Variants in SLIT3 observed in about 807,000 individuals in gnomAD.
The protein encoded by SLIT3 is slit homolog 3 protein.
In SLIT3, 68 loss-of-function variants were observed where a neutral mutation model predicts 184.0. The observed-to-expected ratio is 0.37, with a 90% CI of 0.30 to 0.45. The LOEUF is 0.45. SLIT3 is among the 20% of genes least tolerant of loss of function. The pLI, the probability that SLIT3 is intolerant of heterozygous loss-of-function variation, is 1.00. For missense variants in SLIT3, 1,707 were observed against 2,026.0 expected (o/e 0.84, Z 3.02); for synonymous variants, 831 against 828.6 (o/e 1.00, Z -0.05).
At chr5:168,797,936 G>A (rs1756624545) in intron 9 of SLIT3, among the ~76,000 whole-genome samples, 1 of 152,120 alleles carries the variant, frequency 6.6e-6, no homozygotes, top group Non-Finnish European at 1.5e-5. Context: ...CTTTCTCAAA[G>A]TCACAGAACA....
In SLIT3 at chr5:169,104,729, T is replaced by C. The variant is rs181523267; in HGVS notation, c.413+88750A>G. On this transcript the variant is annotated intron_variant, in intron 4 of 35. Coordinates refer to ENST00000519560, the MANE Select transcript of SLIT3 (RefSeq NM_003062.4). ...CCACTCACCCCCATGTCTGGTCTCC[T>C]GGCAACCAAGGAACCATCTGGGAAC... Among the ~76,000 whole-genome samples, 455 of 152,276 alleles carry C rather than the reference T, an allele frequency of 3.0e-3. 3 individuals carry two copies. Among genetic ancestry groups the C allele is most frequent in the African/African-American group, 0.011 (442 of 41,556 alleles).
intron 4 of SLIT3, among the ~76,000 whole-genome samples, chr5:168,930,862 C>T (rs570547598): frequency 6.6e-6 from 1 of 152,062 alleles, no homozygotes; most frequent in Admixed American, 6.6e-5. Context: ...CTTGGTGCCA[C>T]ATGCCATGAG....
At chr5:169,008,005 C>T (rs2113445935) in intron 4 of SLIT3, among the ~76,000 whole-genome samples, 1 of 152,294 alleles carries the variant, frequency 6.6e-6, no homozygotes, top group African/African-American at 2.4e-5. Context: ...CCCTGGAGAA[C>T]CGGACACTTT....
chr5:168,898,773 CCTT>C (rs1434030074), intron 4 of SLIT3, among the ~76,000 whole-genome samples: 4 of 152,046 alleles, frequency 2.6e-5, no homozygotes, highest in Non-Finnish European at 5.9e-5. Context: ...CAATTCTAAT[CCTT>C]CTTATCAACT....
At chr5:169,151,305 C>A (rs950991316) in intron 4 of SLIT3, among the ~76,000 whole-genome samples, 1 of 152,176 alleles carries the variant, frequency 6.6e-6, no homozygotes, top group African/African-American at 2.4e-5. Flanking sequence ...CCTGAGTGGT[C>A]CTGCTTCCCC....
At position 168,788,038 on chromosome 5, in the gene SLIT3, A is replaced by C. The variant is rs894094968; in HGVS notation, c.1079+1522T>G. 1.1e-4 allele frequency among the ~76,000 whole-genome samples: 16 copies of C among 152,174 alleles called. 1 individual carries two copies. The highest frequency in any genetic ancestry group is 3.6e-4 in the African/African-American group (15 of 41,440). On this transcript the variant is annotated intron_variant, in intron 11 of 35. Coordinates refer to ENST00000519560, the MANE Select transcript of SLIT3 (RefSeq NM_003062.4). ...CACATATATTTCAGAATCGGGCAGC[A>C]GCATGCCAATTTCATGTTTGGCAAC...
chr5:169,126,902 C>T (rs996675917), intron 4 of SLIT3, among the ~76,000 whole-genome samples: 5 of 148,972 alleles, frequency 3.4e-5, no homozygotes, highest in African/African-American at 1.2e-4. Flanking sequence ...ATCCATTAGT[C>T]ACTCTTTACT....
At chr5:169,272,208 T>G (rs1334662078) in intron 1 of SLIT3, among the ~76,000 whole-genome samples, 1 of 152,224 alleles carries the variant, frequency 6.6e-6, no homozygotes, top group African/African-American at 2.4e-5. Flanking sequence ...GAGTCCCTGT[T>G]CCGTTTGCAA....
intron 8 of SLIT3, among the ~76,000 whole-genome samples, chr5:168,809,762 G>T (rs1298508287): frequency 6.6e-6 from 1 of 152,178 alleles, no homozygotes; most frequent in Non-Finnish European, 1.5e-5. Context: ...AGTACATAAG[G>T]ACACTCGCCC....
chr5:168,789,424 C>A, intron 11 of SLIT3, 136 bp downstream of exon 11: 1 of 618,052 alleles, frequency 1.6e-6, no homozygotes, highest in Non-Finnish European at 2.9e-6. Context: ...ATATTTGTTT[C>A]TTTTACCAGG....
chr5:168,931,424 G>T (rs1021977434), intron 4 of SLIT3, among the ~76,000 whole-genome samples: 1 of 152,164 alleles, frequency 6.6e-6, no homozygotes, highest in African/African-American at 2.4e-5. Context: ...GACACTGTGG[G>T]AGTATCTGGG....
intron 4 of SLIT3, among the ~76,000 whole-genome samples, chr5:169,167,858 C>T (rs886352631): frequency 6.6e-6 from 1 of 152,196 alleles, no homozygotes; most frequent in African/African-American, 2.4e-5. Flanking sequence ...GTTGTCCCAG[C>T]AGGGTCTCTG....
chr5:168,866,851 T>G lies in SLIT3; in HGVS notation c.485+16414A>C, dbSNP rs535897447. 1.2e-4 allele frequency among the ~76,000 whole-genome samples: 18 copies of G among 152,336 alleles called. No homozygotes were observed. In the South Asian group the frequency reaches 3.7e-3, roughly 32 times the overall value. On this transcript the variant is annotated intron_variant, in intron 5 of 35. Transcript: ENST00000519560. ...TAACATTTGAAGTGCTTACTGTGTG[T>G]TAGTGCTAACTCTTTTACAAACATT... is the stretch of plus-strand genomic sequence containing the variant.
At chr5:169,239,062 C>T (rs1340797285) in intron 3 of SLIT3, among the ~76,000 whole-genome samples, 1 of 152,128 alleles carries the variant, frequency 6.6e-6, no homozygotes, top group Non-Finnish European at 1.5e-5. Flanking sequence ...CACTGAATTA[C>T]TGCTCCAAAT....
intron 14 of SLIT3, among the ~76,000 whole-genome samples, chr5:168,762,972 G>A (rs183257255): frequency 1.1e-3 from 162 of 152,236 alleles, no homozygotes; most frequent in Middle Eastern, 0.01. Context: ...GGTCACAGAC[G>A]TTTTTGAGAA....
intron 4 of SLIT3, among the ~76,000 whole-genome samples, chr5:169,155,407 G>A (rs1356443933): frequency 6.6e-6 from 1 of 152,152 alleles, no homozygotes; most frequent in Admixed American, 6.5e-5. Flanking sequence ...ATTTGGATCT[G>A]AAATTAATTT....
intron 20 of SLIT3, among the ~76,000 whole-genome samples, chr5:168,744,601 T>A (rs1763745427): frequency 6.6e-6 from 1 of 152,188 alleles, no homozygotes; most frequent in Admixed American, 6.5e-5. Context: ...CCAATACTCA[T>A]TTACCGTTCT....
intron 4 of SLIT3, among the ~76,000 whole-genome samples, chr5:168,915,278 C>G (rs1158047369): frequency 1.3e-5 from 2 of 152,166 alleles, no homozygotes; most frequent in Non-Finnish European, 2.9e-5. Context: ...AGGCAACAGT[C>G]ATCAATGAAT....
At position 169,089,019 on chromosome 5, in the gene SLIT3, C is replaced by CA. The variant is rs570118972; in HGVS notation, c.413+104459dup. ...TGGGAGACAGAGCAAGACTCCATCT[C>CA]AAAAAAAAAAAAAAAAAAAAAAAAA... On this transcript the variant is annotated intron_variant, in intron 4 of 35. Transcript: ENST00000519560. 4.3e-3 allele frequency among the ~76,000 whole-genome samples: 109 copies of CA among 25,560 alleles called. 28 individuals are homozygous for CA. The highest frequency in any genetic ancestry group is 8.7e-3 in the Admixed American group (10 of 1,144). The allele number at this position is 25,560 out of a possible 152,430, so 16.8% of individuals were successfully genotyped here.
Sources: allele counts gnomAD v4.1 joint callset (sites outside exome capture counted in the v4.1 genomes callset), GRCh38; gene constraint gnomAD v4.1.1; transcripts MANE v1.5; gene names NCBI Gene and HGNC (gene_info 2026-07-23, HGNC 2026-07-21).